The following ADGRV1 variants were observed in gnomAD, a reference collection of about 807,000 sequenced individuals.
ADGRV1 encodes the protein adhesion G protein-coupled receptor V1.
A neutral mutation model predicts 596.2 loss-of-function variants in ADGRV1; 359 were observed. That is an observed-to-expected ratio of 0.60 (90% CI 0.55 to 0.66). The LOEUF (loss-of-function observed/expected upper bound fraction) is 0.66, where lower values mean the gene tolerates loss of function less well. Among genes scored for constraint, ADGRV1 ranks in the 30% least tolerant of loss-of-function variants. The probability of loss-of-function intolerance (pLI) is 0.00; values close to 1 mark genes in which losing one functional copy is unlikely to be tolerated. For synonymous variants in ADGRV1, 2,681 were observed against 2,679.2 expected (o/e 1.00, Z -0.02); for missense variants, 7,274 against 7,575.6 (o/e 0.96, Z 1.48).
rs751101663 is a variant in ADGRV1, at chr5:90,635,299, G to C, written c.2016+9G>C. ...ATTTTGCTGCTGAAGTGGTAAGTAG[G>C]CTCTTTCTTACTGATGGGGGCTAAT... On this transcript the variant is annotated intron_variant, in intron 10 of 89. Transcript: ENST00000405460. 6.2e-7 allele frequency: 1 copy of C among 1,601,818 alleles called. No homozygotes were observed. The highest frequency in any genetic ancestry group is 1.3e-5 in the African/African-American group (1 of 74,452).
chr5:90,839,416 G>C (rs141624556), intron 77 of ADGRV1, among the ~76,000 whole-genome samples: 1 of 151,862 alleles, frequency 6.6e-6, no homozygotes, highest in African/African-American at 2.4e-5. Context: ...GGGTTTCACC[G>C]TGTTAGCCAG....
intron 85 of ADGRV1, among the ~76,000 whole-genome samples, chr5:91,065,233 T>C (rs1292005550): frequency 6.6e-6 from 1 of 152,160 alleles, no homozygotes; most frequent in Non-Finnish European, 1.5e-5. Context: ...GTGACAAATG[T>C]ATCTTTTAAT....
At chr5:91,130,257 CA>C (rs1794098044) in intron 87 of ADGRV1, among the ~76,000 whole-genome samples, 1 of 148,062 alleles carries the variant, frequency 6.8e-6, no homozygotes, top group Non-Finnish European at 1.5e-5. Context: ...AGAGGCCAGG[CA>C]CGGTGGCTCA....
chr5:91,034,398 G>A (rs1784708500), intron 85 of ADGRV1, among the ~76,000 whole-genome samples: 1 of 152,090 alleles, frequency 6.6e-6, no homozygotes, highest in Admixed American at 6.5e-5. Context: ...ATTCAAGAAG[G>A]GTAATATGTC....
At chr5:90,586,724 T>C (rs1301778964) in intron 1 of ADGRV1, among the ~76,000 whole-genome samples, 1 of 152,246 alleles carries the variant, frequency 6.6e-6, no homozygotes. Flanking sequence ...TCTATCACTT[T>C]AGTGACATTG....
At chr5:90,749,151 A>G (rs1252014885) in intron 52 of ADGRV1, among the ~76,000 whole-genome samples, 1 of 152,166 alleles carries the variant, frequency 6.6e-6, no homozygotes, top group African/African-American at 2.4e-5. Flanking sequence ...TTGTTCCAAA[A>G]TTGTTCTGGA....
chr5:90,669,789 A>G (rs1772167255), intron 21 of ADGRV1, among the ~76,000 whole-genome samples: 1 of 152,204 alleles, frequency 6.6e-6, no homozygotes, highest in Non-Finnish European at 1.5e-5. Context: ...TGTGTTCACC[A>G]AGTTTCTTGT....
rs549187766 is a variant in ADGRV1 at position 90,871,068 on chromosome 5, G to A, written c.17856+7211G>A. On this transcript the variant is annotated intron_variant, in intron 83 of 89. Transcript: ENST00000405460. ...GTGATGGCCTTATATTTTTGGTATT[G>A]TTACTATTGAACTTTATGTAAACTT... Among the ~76,000 whole-genome samples the A allele has an allele frequency of 1.1e-4, 17 of 152,092 alleles. No homozygotes were observed. The South Asian group carries it at 1.7e-3, about 15-fold the overall frequency.
At chr5:90,759,785 T>C (rs1279831435) in intron 58 of ADGRV1, 197 bp downstream of exon 58, 2 of 520,768 alleles carry the variant, frequency 3.8e-6, no homozygotes, top group Non-Finnish European at 6.9e-6. Context: ...CCAATATGGT[T>C]GAATTCCCGT....
chr5:90,594,341 C>G (rs959712033), intron 1 of ADGRV1, among the ~76,000 whole-genome samples: 11 of 152,072 alleles, frequency 7.2e-5, no homozygotes, highest in Non-Finnish European at 1.5e-4. Context: ...GGTTCTTCCC[C>G]CTTCGCTCAG....
At chr5:90,708,761 G>A in intron 38 of ADGRV1, 55 bp from the exon 39 acceptor site, 2 of 1,110,084 alleles carry the variant, frequency 1.8e-6, no homozygotes, top group Non-Finnish European at 2.7e-6. Flanking sequence ...AGTTTCTGAG[G>A]GTTAATTACT....
chr5:90,750,354 G>A (rs1755100298), intron 52 of ADGRV1, among the ~76,000 whole-genome samples, 197 bp from the exon 53 acceptor site: 1 of 152,066 alleles, frequency 6.6e-6, no homozygotes, highest in Admixed American at 6.5e-5. Flanking sequence ...CTTTCACTTA[G>A]TCTGTTACTT....
At position 90,728,855 on chromosome 5, in the gene ADGRV1, G is replaced by C; in HGVS notation, c.10348G>C (p.Val3450Leu). 6.2e-7 allele frequency: 1 copy of C among 1,613,742 alleles called. No homozygotes were observed. Among genetic ancestry groups the C allele is most frequent in the Non-Finnish European group, 8.5e-7 (1 of 1,179,794 alleles). ...GTTTATTAACTTTCAAGAGGTGCCT[G>C]TCAGTGGGACAACAGAAGTTGAGGC... ...SGFINFQEVP[V>L]SGTTEVEALS... Residue 3450 changes from valine to leucine, a missense_variant, in exon 49 of 90, where the codon GTC (valine) becomes CTC (leucine). By Grantham distance (32) the Val-to-Leu change is conservative. Transcript: ENST00000405460.
intron 1 of ADGRV1, among the ~76,000 whole-genome samples, chr5:90,583,236 A>G (rs1758298708): frequency 6.6e-6 from 1 of 152,136 alleles, no homozygotes. Flanking sequence ...TGATTAATAG[A>G]CTTTCCTGAA....
chr5:90,560,222 A>G (rs1286094804), intron 1 of ADGRV1, among the ~76,000 whole-genome samples: 1 of 152,144 alleles, frequency 6.6e-6, no homozygotes, highest in Non-Finnish European at 1.5e-5. Flanking sequence ...TATTTCAGCT[A>G]AAAATATTAT....
intron 1 of ADGRV1, among the ~76,000 whole-genome samples, chr5:90,598,389 C>A (rs929542742): frequency 1.1e-4 from 16 of 152,212 alleles, no homozygotes; most frequent in African/African-American, 2.4e-5. Flanking sequence ...AAAGACTTGG[C>A]GCTAAGCCCT....
intron 84 of ADGRV1, among the ~76,000 whole-genome samples, chr5:90,973,130 C>A (rs1779212974): frequency 6.6e-6 from 1 of 152,106 alleles, no homozygotes; most frequent in Non-Finnish European, 1.5e-5. Context: ...TGGACACATA[C>A]CCCCTCCCAA....
chr5:90,596,517 C>CCAGACTCCGTCTGCAATCCCCG (rs1202736973), intron 1 of ADGRV1, among the ~76,000 whole-genome samples: 2 of 152,130 alleles, frequency 1.3e-5, no homozygotes, highest in African/African-American at 4.8e-5. Flanking sequence ...ACTGAGTGAA[C>CCAGACTCCGTCTGCAATCCCCG]CAGACTCCGT....
intron 86 of ADGRV1, among the ~76,000 whole-genome samples, chr5:91,075,819 A>T (rs1788809055): frequency 6.6e-6 from 1 of 152,154 alleles, no homozygotes; most frequent in South Asian, 2.1e-4. Context: ...AAAAAAGTCC[A>T]GTCCCTTTAG....
Sources: gnomAD v4.1 joint callset for allele counts (sites outside exome capture counted in the v4.1 genomes callset) on GRCh38, gnomAD v4.1.1 for gene constraint, MANE v1.5 for transcripts, NCBI Gene and HGNC (gene_info 2026-07-23, HGNC 2026-07-21) for gene names.